CFAP43: variants seen among roughly 807,000 people sequenced by gnomAD.
CFAP43 encodes cilia and flagella associated protein 43.
A neutral mutation model predicts 218.9 loss-of-function variants in CFAP43; 155 were observed. That is an observed-to-expected ratio of 0.71 (90% confidence interval 0.62 to 0.81). The LOEUF is 0.81. Among genes scored for constraint, CFAP43 ranks in the 30% least tolerant of loss-of-function variants. CFAP43 has a pLI of 0.00. For synonymous variants in CFAP43, 645 were observed against 681.3 expected (o/e 0.95, Z 0.83); for missense variants, 1,778 against 1,954.3 (o/e 0.91, Z 1.70).
Position 104,129,933 on chromosome 10 carries a change from A to G in CFAP43, c.*206T>C, listed in dbSNP as rs371645951. 2.7e-5 allele frequency: 13 copies of G among 485,342 alleles called. No individual in the cohort carries two copies. Among genetic ancestry groups the G allele is most frequent in the Admixed American group, 1.7e-4 (4 of 23,084 alleles). The allele number at this position is 485,342 out of a possible 1,614,324, so 30.1% of individuals were successfully genotyped here. On this transcript the variant is annotated 3_prime_UTR_variant, in exon 38 of 38. Transcript: ENST00000357060. Reference sequence around the variant, plus strand: ...TGTTTATTCTTGAATAAAAACAGCAATTCATGGTATTTTACACATTTATTC... The same window carrying G: ...TGTTTATTCTTGAATAAAAACAGCAGTTCATGGTATTTTACACATTTATTC...
At chr10:104,154,897 T>C (rs1386750258) in intron 27 of CFAP43, among the ~76,000 whole-genome samples, 1 of 152,202 alleles carries the variant, frequency 6.6e-6, no homozygotes, top group African/African-American at 2.4e-5. Flanking sequence ...AAGGAAGAGT[T>C]CCTTGGGCCC....
rs577538152 is a variant in CFAP43, at chr10:104,230,193, G to C, written c.319+397C>G. On this transcript the variant is annotated intron_variant, in intron 2 of 37. Coordinates refer to ENST00000357060, the MANE Select transcript of CFAP43 (RefSeq NM_025145.7). ...ATTAAAAAAAAAAATGGGGCCAGGC[G>C]TGGTGGCTCATGCCTGTAATCTCAG... 1.3e-5 allele frequency among the ~76,000 whole-genome samples: 2 copies of C among 151,924 alleles called. 1 individual carries two copies. Among genetic ancestry groups the C allele is most frequent in the Admixed American group, 1.3e-4 (2 of 15,262 alleles).
intron 2 of CFAP43, among the ~76,000 whole-genome samples, chr10:104,226,301 C>A (rs2135011414): frequency 6.6e-6 from 1 of 152,216 alleles, no homozygotes; most frequent in East Asian, 1.9e-4. Flanking sequence ...CTGTTTTCTG[C>A]TTTTTTTCTC....
At chr10:104,219,891 C>A (rs2091130161) in intron 3 of CFAP43, among the ~76,000 whole-genome samples, 1 of 152,190 alleles carries the variant, frequency 6.6e-6, no homozygotes, top group Non-Finnish European at 1.5e-5. Flanking sequence ...CGTCACAAGG[C>A]TGATTCCTGT....
intron 32 of CFAP43, among the ~76,000 whole-genome samples, chr10:104,143,203 A>G (rs1459858399): frequency 1.3e-5 from 2 of 152,196 alleles, no homozygotes; most frequent in East Asian, 3.8e-4. Flanking sequence ...CTTGTGGCTA[A>G]TGGACACTAT....
At chr10:104,161,452 CTA>C (rs2088867826) in intron 26 of CFAP43, among the ~76,000 whole-genome samples, 2 of 152,232 alleles carry the variant, frequency 1.3e-5, no homozygotes, top group Middle Eastern at 3.4e-3. Context: ...CCAGGAAAAC[CTA>C]TGTCAGGTAT....
chr10:104,150,429 G>A (rs1232199017), intron 28 of CFAP43, among the ~76,000 whole-genome samples: 1 of 152,104 alleles, frequency 6.6e-6, no homozygotes, highest in African/African-American at 2.4e-5. Context: ...CTCTAGAGAT[G>A]GTACTGGCCT....
chr10:104,203,552 C>G, intron 8 of CFAP43, 120 bp downstream of exon 8: 6 of 947,178 alleles, frequency 6.3e-6, no homozygotes, highest in Non-Finnish European at 8.8e-6. Context: ...CATTTACAAC[C>G]TAGAGTCTTG....
At chr10:104,196,801 A>ATTGGATTAGAATTCAGTAT (rs1487548684) in intron 10 of CFAP43, 52 bp downstream of exon 10, 1 of 1,425,222 alleles carries the variant, frequency 7.0e-7, no homozygotes, top group Non-Finnish European at 9.7e-7. Flanking sequence ...GAAAAAGTAG[A>ATTGGATTAGAATTCAGTAT]TTGGATTAGA....
chr10:104,207,401 C>T (rs1225405441), intron 6 of CFAP43, among the ~76,000 whole-genome samples: 1 of 152,130 alleles, frequency 6.6e-6, no homozygotes, highest in African/African-American at 2.4e-5. Context: ...GTGTCAGCTC[C>T]ACAGTTTACG....
chr10:104,155,025 A>T (rs1273030129), intron 27 of CFAP43, among the ~76,000 whole-genome samples: 1 of 152,182 alleles, frequency 6.6e-6, no homozygotes, highest in Non-Finnish European at 1.5e-5. Context: ...GGCAAGGGGC[A>T]GGAGCTGAGC....
chr10:104,145,494 A>T lies in CFAP43; in HGVS notation c.3926T>A (p.Leu1309His). The change falls in exon 31 of 38, where the codon CTT becomes CAT. Residue 1309 changes from leucine (L) to histidine (H), a missense_variant. Around this residue, in one of 3 missense-constraint regions of CFAP43, gnomAD observed 1,553 missense variants for 1,685.2 expected, o/e 0.92. Transcript: ENST00000357060. ...AACAAACCTTGGTCGGCGTTTAAAA[A>T]GTTTGTAGAGTATATCCACTTGATG... ...PGHQVDILYK[L>H]FKRRPRISKQ... 1.9e-6 allele frequency: 3 copies of T among 1,598,876 alleles called. No homozygotes were observed. Among genetic ancestry groups the T allele is most frequent in the Non-Finnish European group, 2.6e-6 (3 of 1,169,076 alleles).
At chr10:104,170,560 G>A (rs976786189) in intron 20 of CFAP43, among the ~76,000 whole-genome samples, 5 of 152,068 alleles carry the variant, frequency 3.3e-5, no homozygotes, top group South Asian at 2.1e-4. Context: ...GGGGCATTCC[G>A]AGCCTGAGCC....
At chr10:104,191,542 G>GT (rs1474152197) in intron 12 of CFAP43, among the ~76,000 whole-genome samples, 3 of 151,914 alleles carry the variant, frequency 2.0e-5, no homozygotes, top group Admixed American at 2.0e-4. Flanking sequence ...AATTGCTGCT[G>GT]TATCTGAGCC....
rs377715103 is a variant in CFAP43, at chr10:104,214,331, C to T, written c.512G>A (p.Cys171Tyr). ...GCTCACTGTACTTGGACTTGATAAG[C>T]ACAGCTGGCGCCAGTTCATGGGGTT... ...SFNPMNWRQL[C>Y]LSSPSTVSVW... The change falls in exon 4 of 38, where the codon TGC becomes TAC. Residue 171 changes from cysteine to tyrosine, a missense_variant. Cys to Tyr is a radical substitution (Grantham distance 194, BLOSUM62 -2). Coordinates refer to ENST00000357060, the MANE Select transcript of CFAP43 (RefSeq NM_025145.7). 32 of 1,610,958 alleles carry T rather than the reference C, an allele frequency of 2.0e-5. No homozygotes were observed. The highest frequency in any genetic ancestry group is 2.6e-5 in the Non-Finnish European group (31 of 1,178,320).
At chr10:104,181,470 T>C (rs11191941) in intron 17 of CFAP43, among the ~76,000 whole-genome samples, 7,758 of 152,296 alleles carry the variant, frequency 0.051, 246 homozygotes, top group South Asian at 0.13. Flanking sequence ...ATTTCAATAA[T>C]GTCAACTATA....
At chr10:104,132,537 C>T in intron 35 of CFAP43, 2 of 638,076 alleles carry the variant, frequency 3.1e-6, no homozygotes, top group Non-Finnish European at 3.9e-6. Flanking sequence ...ATTGCTTGAA[C>T]CCAGGAGGTG....
At position 104,220,969 on chromosome 10, in the gene CFAP43, T is replaced by C. The variant is rs1022737798; in HGVS notation, c.416+4492A>G. On this transcript the variant is annotated intron_variant, in intron 3 of 37. Coordinates refer to ENST00000357060, the MANE Select transcript of CFAP43 (RefSeq NM_025145.7). ...GTGAGCGTGTGTGTGTGTGTGTGTG[T>C]GTGTGTGTGTGTGTGTGTGTGTTTG... Among the ~76,000 whole-genome samples the C allele has an allele frequency of 7.1e-4, 107 of 151,730 alleles. 2 individuals carry two copies. The highest frequency in any genetic ancestry group is 1.4e-3 in the Non-Finnish European group (98 of 67,828).
intron 17 of CFAP43, among the ~76,000 whole-genome samples, chr10:104,181,482 C>T (rs11191942): frequency 0.051 from 7,806 of 152,262 alleles, 246 homozygotes; most frequent in South Asian, 0.13. Context: ...TCAACTATAC[C>T]TTGTTAATCC....
Sources: allele counts gnomAD v4.1 joint callset (sites outside exome capture counted in the v4.1 genomes callset), GRCh38; gene constraint gnomAD v4.1.1; regional missense constraint gnomAD v4.1.1; transcripts MANE v1.5; gene names NCBI Gene and HGNC (gene_info 2026-07-23, HGNC 2026-07-21).